The following TNNI3K variants were observed in gnomAD, a reference collection of about 807,000 sequenced individuals.
The protein encoded by TNNI3K is serine/threonine-protein kinase TNNI3K.
Under a neutral mutation model 114.5 loss-of-function variants are expected in TNNI3K, and 140 were observed. The ratio of observed to expected loss-of-function variants is 1.22; its 90% confidence interval spans 1.07 to 1.41. The LOEUF (loss-of-function observed/expected upper bound fraction) is 1.41, where lower values mean the gene tolerates loss of function less well. TNNI3K is among the 40% of genes most tolerant of loss of function. The pLI is 0.00. For synonymous variants in TNNI3K, 347 were observed against 347.5 expected (o/e 1.00, Z 0.02); for missense variants, 1,125 against 1,007.6 (o/e 1.12, Z -1.58).
chr1:74,370,495 C>G, intron 17 of TNNI3K, 103 bp downstream of exon 17: 1 of 992,146 alleles, frequency 1.0e-6, no homozygotes, highest in Non-Finnish European at 1.4e-6. Context: ...GATCAGGGTA[C>G]TCTGTGGTTA....
At chr1:74,401,753 A>T (rs1160208543) in intron 17 of TNNI3K, 1 of 426,666 alleles carries the variant, frequency 2.3e-6, no homozygotes, top group Admixed American at 2.6e-5. Flanking sequence ...CGTCTTTGCC[A>T]TGTAAATTCA....
intron 20 of TNNI3K, among the ~76,000 whole-genome samples, chr1:74,453,486 G>T (rs1570641566): frequency 6.6e-6 from 1 of 152,140 alleles, no homozygotes; most frequent in East Asian, 1.9e-4. Flanking sequence ...TGCAAAGTGA[G>T]ACAGCATTAT....
chr1:74,276,742 T>C (rs1656709979), intron 5 of TNNI3K, among the ~76,000 whole-genome samples: 2 of 152,142 alleles, frequency 1.3e-5, no homozygotes, highest in Admixed American at 6.6e-5. Context: ...AATTCAGACC[T>C]TCCATTAGTG....
chr1:74,314,020 A>T (rs1659146625), intron 5 of TNNI3K, among the ~76,000 whole-genome samples: 1 of 148,962 alleles, frequency 6.7e-6, no homozygotes, highest in African/African-American at 2.5e-5. Flanking sequence ...ATATTACCTC[A>T]GGGAAGCTGA....
intron 11 of TNNI3K, among the ~76,000 whole-genome samples, chr1:74,356,363 T>C (rs879694912): frequency 2.0e-5 from 3 of 152,238 alleles, no homozygotes; most frequent in Non-Finnish European, 2.9e-5. Flanking sequence ...ATGTCTTTCG[T>C]TGAATATATG....
rs879777328 is a variant in TNNI3K, at chr1:74,540,374, T to G, written c.2431+61T>G. The G allele has an allele frequency of 1.4e-5, 22 of 1,525,806 alleles. No individual in the cohort carries two copies. The Middle Eastern group carries it at 5.2e-4, about 36-fold the overall frequency. The allele number at this position is 1,525,806 out of a possible 1,614,324, so 94.5% of individuals were successfully genotyped here. Reference sequence around the variant, plus strand: ...CTACCCCTAGGAAGGTGATGTCTATTTGACAAAAAGGGAGAAAGCATTGCA... The same window carrying G: ...CTACCCCTAGGAAGGTGATGTCTATGTGACAAAAAGGGAGAAAGCATTGCA... On this transcript the variant is annotated intron_variant, in intron 24 of 24. Coordinates refer to ENST00000326637, the MANE Select transcript of TNNI3K (RefSeq NM_015978.3).
At position 74,369,198 on chromosome 1, in the gene TNNI3K, C is replaced by A; in HGVS notation, c.1415-9C>A. 1 of 1,607,584 alleles carries A rather than the reference C, an allele frequency of 6.2e-7. No homozygotes were observed. The highest frequency in any genetic ancestry group is 8.5e-7 in the Non-Finnish European group (1 of 1,177,512). On this transcript the variant is annotated splice_polypyrimidine_tract_variant and intron_variant, in intron 14 of 24. Coordinates refer to ENST00000326637, the MANE Select transcript of TNNI3K (RefSeq NM_015978.3). ...TATGTGTTTATTTATTTATTTTAAA[C>A]AATTGTAGGTTCTTTTGGGAAAGTA...
chr1:74,364,914 T>G (rs1662183841), intron 11 of TNNI3K, among the ~76,000 whole-genome samples: 1 of 152,100 alleles, frequency 6.6e-6, no homozygotes, highest in Non-Finnish European at 1.5e-5. Context: ...AAAACCATGT[T>G]GAACTTTTGA....
intron 5 of TNNI3K, among the ~76,000 whole-genome samples, chr1:74,278,647 A>G (rs1454470484): frequency 1.3e-5 from 2 of 152,208 alleles, no homozygotes; most frequent in African/African-American, 2.4e-5. Flanking sequence ...TTTAAAATGT[A>G]CACTTCAATG....
At chr1:74,417,919 A>C (rs1665209518) in intron 17 of TNNI3K, among the ~76,000 whole-genome samples, 1 of 152,118 alleles carries the variant, frequency 6.6e-6, no homozygotes, top group Non-Finnish European at 1.5e-5. Flanking sequence ...AAATTACAAA[A>C]AAAGATACAT....
At chr1:74,496,833 AATCCCATCTTGTACAT>A (rs1669351808) in intron 23 of TNNI3K, among the ~76,000 whole-genome samples, 1 of 152,156 alleles carries the variant, frequency 6.6e-6, no homozygotes, top group Non-Finnish European at 1.5e-5. Flanking sequence ...CAGGGTATGA[AATCCCATCTTGTACAT>A]GGATTACATC....
chr1:74,451,771 T>A (rs1480454542), intron 20 of TNNI3K, among the ~76,000 whole-genome samples: 1 of 143,718 alleles, frequency 7.0e-6, no homozygotes, highest in African/African-American at 2.7e-5. Flanking sequence ...TCTTTTCTTC[T>A]TTTCTTTGCC....
At chr1:74,505,518 CT>C (rs1669848289) in intron 23 of TNNI3K, among the ~76,000 whole-genome samples, 1 of 152,188 alleles carries the variant, frequency 6.6e-6, no homozygotes, top group African/African-American at 2.4e-5. Flanking sequence ...TACAATGGCT[CT>C]GAACAGTTTA....
rs61175750 is a variant in TNNI3K, at chr1:74,404,835, G to A, written c.1773-31245G>A. Among the ~76,000 whole-genome samples, 18 of 152,208 alleles carry A rather than the reference G, an allele frequency of 1.2e-4. No homozygotes were observed. The East Asian group carries it at 3.3e-3, about 28-fold the overall frequency. ...TAAGTAAACTCCTGGTTATGATTCCGCTTCTCCTAGCCCTAAGGGGCAACC... is the reference window on the plus strand; with the variant it reads ...TAAGTAAACTCCTGGTTATGATTCCACTTCTCCTAGCCCTAAGGGGCAACC... On this transcript the variant is annotated intron_variant, in intron 17 of 24. Transcript: ENST00000326637.
chr1:74,362,350 CATGAGGTCA>C (rs1370888872), intron 11 of TNNI3K, among the ~76,000 whole-genome samples: 2 of 152,100 alleles, frequency 1.3e-5, no homozygotes, highest in Non-Finnish European at 2.9e-5. Context: ...GCATGTGAGA[CATGAGGTCA>C]ATGAGAATTC....
chr1:74,386,587 A>C (rs1663491464), intron 17 of TNNI3K, among the ~76,000 whole-genome samples: 1 of 152,206 alleles, frequency 6.6e-6, no homozygotes, highest in Non-Finnish European at 1.5e-5. Context: ...ATGTGTAATA[A>C]ATATAAAATC....
chr1:74,540,265 T>C lies in TNNI3K; in HGVS notation c.2383T>C (p.Leu795=), dbSNP rs1436467534. The change falls in exon 24 of 25, where the codon TTG becomes CTG. Residue 795 remains leucine, a synonymous_variant. Transcript: ENST00000326637. ...ACAATATTCCTCTCAAGGTCTGTCT[T>C]TGGAGGAGATGAAAAGAAGTCTTCA... is the stretch of plus-strand genomic sequence containing the variant. The part of the protein sequence containing the change: ...AGQYSSQGLS[L]EEMKRSLQYT... 1 of 1,612,610 alleles carries C rather than the reference T, an allele frequency of 6.2e-7. No individual in the cohort carries two copies. Among genetic ancestry groups the C allele is most frequent in the South Asian group, 1.1e-5 (1 of 90,992 alleles).
At chr1:74,530,776 A>T (rs1229845806) in intron 23 of TNNI3K, among the ~76,000 whole-genome samples, 2 of 149,476 alleles carry the variant, frequency 1.3e-5, no homozygotes, top group African/African-American at 4.9e-5. Flanking sequence ...GATATGAAAG[A>T]TTTTGCTATA....
At chr1:74,509,589 T>C (rs140528499) in intron 23 of TNNI3K, among the ~76,000 whole-genome samples, 1 of 152,206 alleles carries the variant, frequency 6.6e-6, no homozygotes, top group African/African-American at 2.4e-5. Context: ...GGACAATGAA[T>C]TATGAAATTA....
Sources: gnomAD v4.1 joint callset for allele counts (sites outside exome capture counted in the v4.1 genomes callset) on GRCh38, gnomAD v4.1.1 for gene constraint, MANE v1.5 for transcripts, NCBI Gene and HGNC (gene_info 2026-07-23, HGNC 2026-07-21) for gene names.